The following HKDC1 variants were observed in gnomAD, a reference collection of about 807,000 sequenced individuals.
HKDC1 encodes the protein hexokinase HKDC1.
In HKDC1, 66 loss-of-function variants were observed where a neutral mutation model predicts 96.6. The ratio of observed to expected loss-of-function variants is 0.68; its 90% CI spans 0.56 to 0.84. The LOEUF is 0.84. Ranked by LOEUF, HKDC1 falls within the 40% of genes least tolerant of loss-of-function variation. HKDC1 has a pLI of 0.00. For missense variants in HKDC1, 1,211 were observed against 1,208.1 expected (o/e 1.00, Z -0.04); for synonymous variants, 466 against 473.1 (o/e 0.98, Z 0.20).
chr10:69,249,235 T>G (rs1423729207), intron 10 of HKDC1, among the ~76,000 whole-genome samples: 1 of 152,224 alleles, frequency 6.6e-6, no homozygotes, highest in Non-Finnish European at 1.5e-5. Context: ...TTCAGACAAA[T>G]TATTTTACCT....
At chr10:69,231,835 T>C (rs1177863287) in intron 2 of HKDC1, among the ~76,000 whole-genome samples, 1 of 152,174 alleles carries the variant, frequency 6.6e-6, no homozygotes, top group Non-Finnish European at 1.5e-5. Flanking sequence ...ACCCTCTTAC[T>C]TGGTGCATAA....
In HKDC1 at chr10:69,256,911, C is replaced by T. The variant is rs576180185; in HGVS notation, c.1837-125C>T. The T allele has an allele frequency of 1.1e-4, 78 of 705,214 alleles. No homozygotes were observed. In the South Asian group the frequency reaches 1.2e-3, roughly 11 times the overall value. 43.7% of individuals were successfully genotyped at this position (705,214 alleles called of 1,614,324 possible). On this transcript the variant is annotated intron_variant, in intron 12 of 17. Coordinates refer to ENST00000354624, the MANE Select transcript of HKDC1 (RefSeq NM_025130.4). Reference sequence around the variant, plus strand: ...AGGGTTAGGGTTGTGGAGGTGGAGGCATAGTCAAAAGCACACGTACTTGAC... The same window carrying T: ...AGGGTTAGGGTTGTGGAGGTGGAGGTATAGTCAAAAGCACACGTACTTGAC...
intron 1 of HKDC1, among the ~76,000 whole-genome samples, chr10:69,225,127 A>C (rs867051548): frequency 1.3e-5 from 2 of 152,214 alleles, no homozygotes; most frequent in African/African-American, 2.4e-5. Context: ...CAATGACCCC[A>C]TTAAACCCCA....
At chr10:69,242,164 A>T (rs1215310110) in intron 6 of HKDC1, among the ~76,000 whole-genome samples, 1 of 152,184 alleles carries the variant, frequency 6.6e-6, no homozygotes, top group East Asian at 1.9e-4. Context: ...CCCAAAGGGC[A>T]GGTTTTTAAA....
intron 17 of HKDC1, among the ~76,000 whole-genome samples, 168 bp from the exon 18 acceptor site, chr10:69,266,442 G>A (rs1843899435): frequency 7.0e-6 from 1 of 142,132 alleles, no homozygotes; most frequent in Non-Finnish European, 1.5e-5. Context: ...TACACCCTGG[G>A]CAACAGAGTG....
chr10:69,257,005 G>A, intron 12 of HKDC1, 31 bp from the exon 13 acceptor site: 1 of 1,556,246 alleles, frequency 6.4e-7, no homozygotes, highest in South Asian at 1.1e-5. Context: ...GCAAACTATT[G>A]CTCAAATGAA....
At position 69,247,360 on chromosome 10, in the gene HKDC1, G is replaced by T. The variant is rs1318466746; in HGVS notation, c.1032G>T (p.Lys344Asn). Residue 344 changes from lysine to asparagine, a missense_variant and splice_region_variant, in exon 9 of 18, where the codon AAG becomes AAT. Physicochemically the swap from Lys to Asn is moderately conservative, Grantham distance 94. Transcript: ENST00000354624. Reference sequence around the variant, plus strand: ...TCACTCATTCCTGTCCCCTGGCCAGGTATAAAGAAGGCCTTGCTAATACAA... The same window carrying T: ...TCACTCATTCCTGTCCCCTGGCCAGTTATAAAGAAGGCCTTGCTAATACAA... ...IETRHVAAME[K>N]YKEGLANTRE... 3 of 1,610,552 alleles carry T rather than the reference G, an allele frequency of 1.9e-6. No individual in the cohort carries two copies. The highest frequency in any genetic ancestry group is 1.1e-5 in the South Asian group (1 of 91,020).
intron 9 of HKDC1, 66 bp from the exon 10 acceptor site, chr10:69,248,358 C>G: frequency 6.7e-7 from 1 of 1,484,884 alleles, no homozygotes; most frequent in Non-Finnish European, 9.0e-7. Context: ...TTACTGCTGC[C>G]CCTGGGTCTG....
chr10:69,249,140 C>T (rs1227963858), intron 10 of HKDC1, among the ~76,000 whole-genome samples: 1 of 152,150 alleles, frequency 6.6e-6, no homozygotes, highest in Non-Finnish European at 1.5e-5. Context: ...CCTCTCATTG[C>T]TTCTGCCCCC....
intron 14 of HKDC1, among the ~76,000 whole-genome samples, chr10:69,257,689 G>A (rs2279929): frequency 0.058 from 8,874 of 152,038 alleles, 345 homozygotes; most frequent in South Asian, 0.13. Flanking sequence ...TTGTCATGGG[G>A]GGGGGAAGGA....
At chr10:69,245,453 G>A (rs1843524378) in intron 7 of HKDC1, among the ~76,000 whole-genome samples, 1 of 149,042 alleles carries the variant, frequency 6.7e-6, no homozygotes. Flanking sequence ...GTGTGATGAT[G>A]CACCCCTATG....
intron 12 of HKDC1, among the ~76,000 whole-genome samples, chr10:69,252,808 C>G (rs1420564779): frequency 6.6e-6 from 1 of 151,892 alleles, no homozygotes; most frequent in Non-Finnish European, 1.5e-5. Flanking sequence ...GAGACTCCAT[C>G]TCTATTAAAA....
intron 15 of HKDC1, among the ~76,000 whole-genome samples, chr10:69,260,234 A>G (rs1463048997): frequency 1.3e-5 from 2 of 152,210 alleles, no homozygotes; most frequent in Non-Finnish European, 2.9e-5. Flanking sequence ...AGAGGCTCAG[A>G]CAAGACCAAG....
chr10:69,227,427 A>G (rs1843178396), intron 2 of HKDC1, 58 bp downstream of exon 2: 1 of 1,594,924 alleles, frequency 6.3e-7, no homozygotes, highest in Non-Finnish European at 8.6e-7. Context: ...TGGGTGTCTA[A>G]AGTACCTAAG....
Position 69,261,173 on chromosome 10 carries a change from G to A in HKDC1, c.2251G>A (p.Glu751Lys). The A allele has an allele frequency of 6.2e-7, 1 of 1,614,062 alleles. No individual in the cohort carries two copies. The highest frequency in any genetic ancestry group is 8.5e-7 in the Non-Finnish European group (1 of 1,179,972). ...EKMTSGMYLG[E>K]IVRQILIDLT... ...AATGACCAGTGGGATGTACTTGGGG[G>A]AGATTGTGCGGCAGATCCTGATCGA... Residue 751 changes from glutamate (E) to lysine (K), a missense_variant, in exon 16 of 18, where the codon GAG (glutamate) becomes AAG (lysine). Coordinates refer to ENST00000354624, the MANE Select transcript of HKDC1 (RefSeq NM_025130.4).
At chr10:69,252,736 G>A (rs1027596738) in intron 12 of HKDC1, among the ~76,000 whole-genome samples, 2 of 151,726 alleles carry the variant, frequency 1.3e-5, no homozygotes, top group Non-Finnish European at 2.9e-5. Flanking sequence ...GATCACTTGA[G>A]CCCAGGAGAT....
Position 69,257,050 on chromosome 10 carries a change from G to T in HKDC1, c.1851G>T (p.Gly617=). The T allele has an allele frequency of 6.2e-7, 1 of 1,613,998 alleles. No individual in the cohort carries two copies. The highest frequency in any genetic ancestry group is 8.5e-7 in the Non-Finnish European group (1 of 1,179,904). ...QMSIDKGTLI[G]WTKGFKATDC... ...CTTTCTTTCAGGGAACACTCATAGG[G>T]TGGACCAAAGGTTTCAAGGCCACTG... The change falls in exon 13 of 18, where the codon GGG becomes GGT. Residue 617 remains glycine (G), a synonymous_variant. Transcript: ENST00000354624.
At chr10:69,229,867 A>G (rs190617667) in intron 2 of HKDC1, among the ~76,000 whole-genome samples, 4 of 152,290 alleles carry the variant, frequency 2.6e-5, no homozygotes, top group African/African-American at 9.6e-5. Flanking sequence ...CCGGCACCAT[A>G]CATGATTGTC....
At chr10:69,249,891 G>T (rs1843610450) in intron 10 of HKDC1, among the ~76,000 whole-genome samples, 1 of 152,222 alleles carries the variant, frequency 6.6e-6, no homozygotes, top group African/African-American at 2.4e-5. Flanking sequence ...AGTCAGTGAA[G>T]CTGAAAGAGC....
Sources: allele counts gnomAD v4.1 joint callset (sites outside exome capture counted in the v4.1 genomes callset), GRCh38; gene constraint gnomAD v4.1.1; transcripts MANE v1.5; gene names NCBI Gene and HGNC (gene_info 2026-07-23, HGNC 2026-07-21).